The following KCNN2 variants were observed in gnomAD, a reference collection of about 807,000 sequenced individuals.
KCNN2 encodes the protein small conductance calcium-activated potassium channel protein 2.
A neutral mutation model predicts 55.5 loss-of-function variants in KCNN2; 24 were observed. That is an observed-to-expected ratio of 0.43 (90% CI 0.31 to 0.61). The LOEUF (loss-of-function observed/expected upper bound fraction) is 0.61, where lower values mean the gene tolerates loss of function less well. KCNN2 is among the 20% of genes least tolerant of loss of function. KCNN2 has a pLI of 0.08. For synonymous variants in KCNN2, 431 were observed against 336.1 expected (o/e 1.28, Z -3.09); for missense variants, 754 against 853.6 (o/e 0.88, Z 1.45).
intron 1 of KCNN2, among the ~76,000 whole-genome samples, chr5:114,180,161 A>G (rs1246233006): frequency 6.6e-6 from 1 of 152,174 alleles, no homozygotes; most frequent in East Asian, 1.9e-4. Context: ...TGAGTTGACA[A>G]ATTCTTCATA....
At chr5:114,419,563 T>G (rs1429091838) in intron 3 of KCNN2, among the ~76,000 whole-genome samples, 1 of 152,242 alleles carries the variant, frequency 6.6e-6, no homozygotes, top group Non-Finnish European at 1.5e-5. Context: ...TATAAACTAC[T>G]TTTGGTACCA....
intron 2 of KCNN2, among the ~76,000 whole-genome samples, chr5:114,314,584 T>C (rs904859138): frequency 2.0e-5 from 3 of 152,182 alleles, no homozygotes; most frequent in Non-Finnish European, 4.4e-5. Context: ...ACTTTCTGGC[T>C]GAGAAGCATG....
chr5:114,116,462 T>C (rs1751710095), intron 1 of KCNN2, among the ~76,000 whole-genome samples: 1 of 152,148 alleles, frequency 6.6e-6, no homozygotes, highest in Admixed American at 6.5e-5. Flanking sequence ...TTTGTGATCA[T>C]TTGATCAGGA....
intron 3 of KCNN2, among the ~76,000 whole-genome samples, chr5:114,420,084 C>A (rs1217737878): frequency 6.6e-6 from 1 of 152,210 alleles, no homozygotes; most frequent in Admixed American, 6.5e-5. Context: ...ATCTGGTCTC[C>A]TAGATTTTAA....
chr5:114,277,972 A>G (rs1379335323), intron 2 of KCNN2, among the ~76,000 whole-genome samples: 1 of 151,516 alleles, frequency 6.6e-6, no homozygotes, highest in Admixed American at 6.6e-5. Context: ...CCATCTTTGT[A>G]GTTTTATCTA....
intron 2 of KCNN2, among the ~76,000 whole-genome samples, chr5:114,375,187 G>A (rs1045781465): frequency 3.9e-5 from 6 of 152,120 alleles, no homozygotes; most frequent in African/African-American, 1.4e-4. Context: ...GTGGCTAAGG[G>A]AAACTATGCC....
chr5:114,322,707 A>T (rs1053382182), intron 2 of KCNN2, among the ~76,000 whole-genome samples: 2 of 152,094 alleles, frequency 1.3e-5, no homozygotes, highest in Non-Finnish European at 2.9e-5. Context: ...ATCTCAATGA[A>T]CCTTTGTGAT....
intron 2 of KCNN2, among the ~76,000 whole-genome samples, chr5:114,397,635 G>A (rs190952208): frequency 1.1e-3 from 168 of 152,198 alleles, no homozygotes; most frequent in South Asian, 4.8e-3. Flanking sequence ...GATCTGCCCC[G>A]CCTCGGCCAC....
chr5:114,301,504 C>CTT (rs933571101), intron 2 of KCNN2, among the ~76,000 whole-genome samples: 8 of 152,284 alleles, frequency 5.3e-5, no homozygotes, highest in Admixed American at 2.0e-4. Context: ...ATGAAACACC[C>CTT]TTTTAGTGTC....
At chr5:114,183,756 A>G (rs1169561936) in intron 1 of KCNN2, among the ~76,000 whole-genome samples, 2 of 151,064 alleles carry the variant, frequency 1.3e-5, no homozygotes, top group Admixed American at 6.6e-5. Context: ...ACTTGATCAG[A>G]CTAGTTAGGG....
At chr5:114,276,257 T>C (rs1481255909) in intron 2 of KCNN2, among the ~76,000 whole-genome samples, 1 of 152,122 alleles carries the variant, frequency 6.6e-6, no homozygotes, top group East Asian at 1.9e-4. Flanking sequence ...AAATATGTGG[T>C]CAATTTTAGA....
At chr5:114,161,496 C>T (rs1005260516) in intron 1 of KCNN2, among the ~76,000 whole-genome samples, 6 of 151,572 alleles carry the variant, frequency 4.0e-5, no homozygotes, top group Admixed American at 6.6e-5. Flanking sequence ...TTGCTCTTCT[C>T]GAGGAGTATC....
At chr5:114,324,019 C>G (rs1006338924) in intron 2 of KCNN2, among the ~76,000 whole-genome samples, 1 of 152,120 alleles carries the variant, frequency 6.6e-6, no homozygotes, top group African/African-American at 2.4e-5. Flanking sequence ...AATGTTATTA[C>G]TATAATTATA....
chr5:114,176,198 G>T (rs1358896310), intron 1 of KCNN2, among the ~76,000 whole-genome samples: 2 of 152,168 alleles, frequency 1.3e-5, no homozygotes, highest in Non-Finnish European at 2.9e-5. Context: ...CACGATGCCA[G>T]TGCACCCTTT....
intron 2 of KCNN2, among the ~76,000 whole-genome samples, chr5:114,295,980 G>A (rs570814689): frequency 6.6e-6 from 1 of 152,096 alleles, no homozygotes; most frequent in Admixed American, 6.6e-5. Context: ...ATTTCCGCTG[G>A]TAATAGTCAT....
chr5:114,474,378 C>T (rs182144137), intron 5 of KCNN2, among the ~76,000 whole-genome samples: 105 of 152,228 alleles, frequency 6.9e-4, no homozygotes, highest in Non-Finnish European at 1.3e-3. Flanking sequence ...TGGTCAGAGC[C>T]TCCCAGGTTC....
intron 3 of KCNN2, among the ~76,000 whole-genome samples, chr5:114,440,378 G>A (rs924303594): frequency 1.3e-5 from 2 of 152,134 alleles, no homozygotes; most frequent in Admixed American, 1.3e-4. Context: ...ATTAAAAAGT[G>A]AGAGTATGTA....
At chr5:114,374,497 A>G (rs1390198944) in intron 2 of KCNN2, among the ~76,000 whole-genome samples, 1 of 152,168 alleles carries the variant, frequency 6.6e-6, no homozygotes, top group Non-Finnish European at 1.5e-5. Flanking sequence ...ACACTCAACC[A>G]CAGTGCTTGG....
At chr5:114,482,211 A>G (rs868487578) in intron 5 of KCNN2, among the ~76,000 whole-genome samples, 4 of 152,190 alleles carry the variant, frequency 2.6e-5, no homozygotes, top group African/African-American at 9.7e-5. Flanking sequence ...AAAAGTGGGC[A>G]AAGGACATGA....
Sources: allele counts gnomAD v4.1 joint callset (sites outside exome capture counted in the v4.1 genomes callset), GRCh38; gene constraint gnomAD v4.1.1; transcripts MANE v1.5; gene names NCBI Gene and HGNC (gene_info 2026-07-23, HGNC 2026-07-21).